Variants in TTC3 observed in about 807,000 individuals in gnomAD.
TTC3 encodes tetratricopeptide repeat domain 3.
TTC3 carries 180 observed loss-of-function variants against 249.6 expected under a neutral mutation model. That is an observed-to-expected ratio of 0.72 (90% CI 0.64 to 0.82). The LOEUF (loss-of-function observed/expected upper bound fraction) is 0.82, where lower values mean the gene tolerates loss of function less well. Among genes scored for constraint, TTC3 ranks in the 40% least tolerant of loss-of-function variants. The probability of loss-of-function intolerance (pLI) is 0.00; values close to 1 mark genes in which losing one functional copy is unlikely to be tolerated. For synonymous variants in TTC3, 717 were observed against 805.0 expected, an observed-to-expected ratio of 0.89 and a Z score of 1.85; for missense variants, 2,061 against 2,398.4, an observed-to-expected ratio of 0.86 and a Z score of 2.94.
chr21:37,157,320 A>G (rs1400223761), intron 28 of TTC3: 1 of 611,746 alleles, frequency 1.6e-6, no homozygotes, highest in Non-Finnish European at 2.5e-6. Flanking sequence ...TAATGGGAAG[A>G]GCCTAGAACT....
chr21:37,093,462 C>G (rs2073560096), intron 7 of TTC3: 1 of 150,630 alleles, frequency 6.6e-6, no homozygotes, highest in African/African-American at 2.4e-5. Context: ...CAGTATAATG[C>G]AAATATTCCA....
At chr21:37,183,743 T>C (rs1328452751) in intron 36 of TTC3, among the ~76,000 whole-genome samples, 1 of 152,198 alleles carries the variant, frequency 6.6e-6, no homozygotes, top group Non-Finnish European at 1.5e-5. Flanking sequence ...ATCTCTATTA[T>C]GATAGCCAGA....
chr21:37,202,562 T>G (rs1297933200), exon 46 of TTC3: 3 of 152,254 alleles, frequency 2.0e-5, no homozygotes, highest in African/African-American at 7.2e-5. Context: ...AATCGTTCTG[T>G]GTTTGATATT....
At position 37,160,788 on chromosome 21, in the gene TTC3, C is replaced by T; in HGVS notation, c.3040-14C>T. 5 of 1,611,016 alleles carry T rather than the reference C, an allele frequency of 3.1e-6. No homozygotes were observed. The highest frequency in any genetic ancestry group is 4.2e-6 in the Non-Finnish European group (5 of 1,178,824). ...TTATTTGAGTGTTCACTGATTTTTC[C>T]CCCCATTTTTTAGTTTAGTTCAACC... On this transcript the variant is annotated splice_polypyrimidine_tract_variant and intron_variant, in intron 29 of 45. Coordinates refer to ENST00000355666, the Ensembl canonical transcript of TTC3.
chr21:37,126,837 G>A (rs1329984630), intron 15 of TTC3, among the ~76,000 whole-genome samples: 1 of 151,800 alleles, frequency 6.6e-6, no homozygotes, highest in Non-Finnish European at 1.5e-5. Context: ...ACAGCCCTCT[G>A]GGGTCTCTTT....
intron 27 of TTC3, among the ~76,000 whole-genome samples, chr21:37,156,040 T>G (rs2080033529): frequency 9.4e-6 from 1 of 106,762 alleles, no homozygotes; most frequent in Admixed American, 1.0e-4. Flanking sequence ...TTGTTTGGGT[T>G]TGTTTTTTTT....
chr21:37,125,113 T>C (rs1440949446), intron 14 of TTC3, among the ~76,000 whole-genome samples: 1 of 152,208 alleles, frequency 6.6e-6, no homozygotes, highest in Non-Finnish European at 1.5e-5. Context: ...ATACCGAGCA[T>C]CTCCAGCTGG....
intron 1 of TTC3, among the ~76,000 whole-genome samples, chr21:37,073,835 C>A (rs539487544): frequency 6.6e-6 from 1 of 152,194 alleles, no homozygotes; most frequent in African/African-American, 2.4e-5. Context: ...GTTACTGCCC[C>A]TGTCTGTGGG....
chr21:37,178,951 G>A (rs2082504023), intron 35 of TTC3, among the ~76,000 whole-genome samples: 2 of 151,794 alleles, frequency 1.3e-5, no homozygotes, highest in Non-Finnish European at 2.9e-5. Context: ...ACAACAGAGT[G>A]AGACCCTGTC....
chr21:37,152,117 T>C, intron 26 of TTC3, 88 bp downstream of exon 26: 1 of 1,308,022 alleles, frequency 7.6e-7, no homozygotes, highest in Non-Finnish European at 1.0e-6. Flanking sequence ...ATATTCATCA[T>C]TATTGAATTG....
chr21:37,148,592 A>C, exon 23 of TTC3: 1 of 1,606,574 alleles, frequency 6.2e-7, no homozygotes, highest in Non-Finnish European at 8.5e-7. Context: ...ATAGAATTTC[A>C]CATGAATTGC....
At position 37,129,081 on chromosome 21, in the gene TTC3, G is replaced by A. The variant is rs747524570; in HGVS notation, c.1358+18G>A. The stretch of plus-strand genomic sequence containing the variant: ...AAGTTCAGGTATGTTTTTTCTCTAA[G>A]GTATGTTTTTTTCCCCTTAATATAC... On this transcript the variant is annotated intron_variant, in intron 16 of 45. Coordinates refer to ENST00000355666, the Ensembl canonical transcript of TTC3. 11 of 1,559,878 alleles carry A rather than the reference G, an allele frequency of 7.1e-6. No homozygotes were observed. The highest frequency in any genetic ancestry group is 2.0e-5 in the Admixed American group (1 of 51,028).
chr21:37,120,456 G>A (rs1053295842), intron 11 of TTC3, among the ~76,000 whole-genome samples: 2 of 152,158 alleles, frequency 1.3e-5, no homozygotes, highest in Non-Finnish European at 2.9e-5. Flanking sequence ...TTTGGTTTAT[G>A]ATCTATCATT....
At chr21:37,157,204 A>C in intron 28 of TTC3, 1 of 1,337,780 alleles carries the variant, frequency 7.5e-7, no homozygotes, top group Non-Finnish European at 9.9e-7. Flanking sequence ...TTACACTGAC[A>C]GAATCTATTA....
intron 6 of TTC3, chr21:37,090,487 T>A: frequency 1.4e-6 from 1 of 697,802 alleles, no homozygotes; most frequent in Non-Finnish European, 1.8e-6. Context: ...TTTTTACCCA[T>A]GTACATAGTG....
exon 32 of TTC3, chr21:37,164,130 T>C (rs2081033853): frequency 1.2e-6 from 2 of 1,613,874 alleles, no homozygotes; most frequent in African/African-American, 2.7e-5. Context: ...CGAAGCTCTC[T>C]ATGACCAACA....
At chr21:37,093,868 C>A in intron 7 of TTC3, 137 bp from the exon 8 acceptor site, 1 of 517,828 alleles carries the variant, frequency 1.9e-6, no homozygotes. Context: ...TTACAAGAAA[C>A]ATGTGCTATT....
Position 37,153,282 on chromosome 21 carries a change from G to A in TTC3, c.2740+5G>A. On this transcript the variant is annotated splice_donor_5th_base_variant and intron_variant, in intron 27 of 45. Transcript: ENST00000355666. ...TCCAAAAACTTAATAGCTTTGGTAT[G>A]TCCCTTTATATTCCAGAGCAATAAA... The A allele has an allele frequency of 6.2e-7, 1 of 1,603,446 alleles. No individual in the cohort carries two copies. Among genetic ancestry groups the A allele is most frequent in the Non-Finnish European group, 8.5e-7 (1 of 1,176,168 alleles).
intron 20 of TTC3, 102 bp from the exon 21 acceptor site, chr21:37,144,423 A>G (rs1264628690): frequency 8.9e-6 from 12 of 1,355,330 alleles, no homozygotes; most frequent in Non-Finnish European, 1.1e-5. Flanking sequence ...GTGATTCATC[A>G]AATGTATTCG....
Sources: gnomAD v4.1 joint callset for allele counts (sites outside exome capture counted in the v4.1 genomes callset) on GRCh38, gnomAD v4.1.1 for gene constraint, MANE v1.5 for transcripts, NCBI Gene and HGNC (gene_info 2026-07-23, HGNC 2026-07-21) for gene names.